NDUFAF6: variants seen among roughly 807,000 people sequenced by gnomAD.
The protein encoded by NDUFAF6 is NADH dehydrogenase (ubiquinone) complex I, assembly factor 6.
A neutral mutation model predicts 40.8 loss-of-function variants in NDUFAF6; 45 were observed. That is an observed-to-expected ratio of 1.10 (90% CI 0.87 to 1.42). The LOEUF is 1.42. NDUFAF6 is among the 40% of genes most tolerant of loss of function. The pLI, the probability that NDUFAF6 is intolerant of heterozygous loss-of-function variation, is 0.00. For missense variants in NDUFAF6, 435 were observed against 418.5 expected (o/e 1.04, Z -0.34); for synonymous variants, 185 against 155.9 (o/e 1.19, Z -1.39).
At chr8:95,112,412 G>A (rs1563874158) in intron 4 of NDUFAF6, among the ~76,000 whole-genome samples, 1 of 152,168 alleles carries the variant, frequency 6.6e-6, no homozygotes. Flanking sequence ...ACACACGGGG[G>A]AGACTGGAGC....
At chr8:94,979,995 G>A (rs955719409) in intron 1 of NDUFAF6, among the ~76,000 whole-genome samples, 1 of 152,022 alleles carries the variant, frequency 6.6e-6, no homozygotes, top group African/African-American at 2.4e-5. Flanking sequence ...TACTCGGGAG[G>A]CTGAAGTAGG....
At chr8:95,007,109 C>T (rs530201444) in intron 2 of NDUFAF6, among the ~76,000 whole-genome samples, 5 of 151,076 alleles carry the variant, frequency 3.3e-5, no homozygotes, top group Middle Eastern at 3.4e-3. Flanking sequence ...TATACAAAAA[C>T]GCTCCTGCTA....
At chr8:95,025,281 C>T (rs1361864331) in intron 1 of NDUFAF6, 76 bp downstream of exon 1, 3 of 1,293,052 alleles carry the variant, frequency 2.3e-6, no homozygotes, top group South Asian at 2.0e-5. Context: ...TCGCGTCTGG[C>T]CTGACGTTTG....
chr8:94,985,515 ATTTTTTTTTTTTTTTTTTTTT>A (rs1200345448), intron 2 of NDUFAF6, among the ~76,000 whole-genome samples: 2 of 6,600 alleles, frequency 3.0e-4, no homozygotes, highest in Non-Finnish European at 4.4e-4. Flanking sequence ...ATATATATAT[ATTTTTTTTTTTTTTTTTTTTT>A]TTTTTTTTTT....
intron 2 of NDUFAF6, among the ~76,000 whole-genome samples, chr8:94,948,806 C>T (rs985325953): frequency 1.3e-5 from 2 of 152,036 alleles, no homozygotes; most frequent in Admixed American, 6.5e-5. Flanking sequence ...GGTCCCGCCG[C>T]GGCCAAGAAA....
intron 1 of NDUFAF6, among the ~76,000 whole-genome samples, chr8:94,904,531 A>C (rs910854909): frequency 4.0e-5 from 6 of 151,478 alleles, no homozygotes; most frequent in African/African-American, 1.5e-4. Flanking sequence ...CAGAGACTCT[A>C]ACTTTATGCA....
intron 2 of NDUFAF6, among the ~76,000 whole-genome samples, chr8:94,993,113 A>T (rs527277619): frequency 2.6e-5 from 4 of 152,152 alleles, no homozygotes; most frequent in Non-Finnish European, 4.4e-5. Context: ...CTCTTTTCTG[A>T]GGGTTAGAGA....
chr8:94,959,532 TTTTTTTG>T (rs1172865716), intron 1 of NDUFAF6, among the ~76,000 whole-genome samples: 6 of 85,856 alleles, frequency 7.0e-5, no homozygotes, highest in Non-Finnish European at 1.7e-4. Context: ...TGCTTTTTGT[TTTTTTTG>T]TTTTTTTTTT....
At chr8:95,027,046 AAAAC>A (rs1190568692) in intron 1 of NDUFAF6, among the ~76,000 whole-genome samples, 35 of 152,194 alleles carry the variant, frequency 2.3e-4, no homozygotes, top group African/African-American at 8.0e-4. Flanking sequence ...ACCCTGTTTC[AAAAC>A]AAACAAACAA....
intron 1 of NDUFAF6, among the ~76,000 whole-genome samples, chr8:94,972,128 A>C (rs1053797181): frequency 6.6e-6 from 1 of 152,262 alleles, no homozygotes; most frequent in African/African-American, 2.4e-5. Flanking sequence ...AGTGTCAGAG[A>C]GAAAGCTCTC....
At chr8:94,972,571 A>C (rs1484705620) in intron 1 of NDUFAF6, among the ~76,000 whole-genome samples, 1 of 152,156 alleles carries the variant, frequency 6.6e-6, no homozygotes, top group East Asian at 1.9e-4. Flanking sequence ...TCAAAGACCA[A>C]CCTAAAGGAA....
chr8:94,975,828 C>G (rs1427741536), intron 1 of NDUFAF6: 1 of 152,148 alleles, frequency 6.6e-6, no homozygotes, highest in East Asian at 1.9e-4. Flanking sequence ...CACCCATTCT[C>G]ATTTTGTGGA....
intron 1 of NDUFAF6, among the ~76,000 whole-genome samples, chr8:95,027,686 T>G (rs1273041983): frequency 6.6e-6 from 1 of 151,642 alleles, no homozygotes; most frequent in Non-Finnish European, 1.5e-5. Context: ...TAGTAAAAAA[T>G]GCTTAGCAGA....
At chr8:94,936,921 A>G (rs1821034973) in intron 1 of NDUFAF6, among the ~76,000 whole-genome samples, 1 of 152,168 alleles carries the variant, frequency 6.6e-6, no homozygotes, top group South Asian at 2.1e-4. Context: ...CAGCCAGCAA[A>G]AGAGACAGAC....
chr8:94,928,552 A>T (rs922697148), intron 1 of NDUFAF6: 1 of 152,556 alleles, frequency 6.6e-6, no homozygotes, highest in African/African-American at 2.4e-5. Flanking sequence ...AACTTTACAG[A>T]CTTGGCCCCT....
intron 3 of NDUFAF6, among the ~76,000 whole-genome samples, chr8:95,037,612 A>G (rs1244593740): frequency 1.3e-5 from 2 of 152,198 alleles, no homozygotes; most frequent in African/African-American, 2.4e-5. Context: ...TTTAACTTCT[A>G]TTAGATTCCT....
At chr8:95,109,457 C>G (rs1286966383) in intron 4 of NDUFAF6, among the ~76,000 whole-genome samples, 2 of 152,158 alleles carry the variant, frequency 1.3e-5, no homozygotes, top group Non-Finnish European at 2.9e-5. Flanking sequence ...GGCTGTTTAT[C>G]CATTGGAAGA....
rs140235628 is a variant in NDUFAF6, at chr8:95,058,215, G to A, written c.*278G>A. 5.0e-5 allele frequency: 69 copies of A among 1,389,294 alleles called. 1 individual carries two copies. In the African/African-American group the frequency reaches 8.9e-4, roughly 18 times the overall value. 86.1% of individuals were successfully genotyped at this position (1,389,294 alleles called of 1,614,324 possible). ...CAACAGGGAATATTGGTGTAGCTGT[G>A]CATAGGCCATAAGCCACACTTGAGC... On this transcript the variant is annotated 3_prime_UTR_variant, in exon 9 of 9. Coordinates refer to ENST00000396124, the MANE Select transcript of NDUFAF6 (RefSeq NM_152416.4).
At chr8:94,913,435 T>G (rs1818918151) in intron 1 of NDUFAF6, among the ~76,000 whole-genome samples, 1 of 152,224 alleles carries the variant, frequency 6.6e-6, no homozygotes, top group Non-Finnish European at 1.5e-5. Flanking sequence ...ATCTAGTGAT[T>G]ATTGTTCCAC....
Sources: allele counts gnomAD v4.1 joint callset (sites outside exome capture counted in the v4.1 genomes callset), GRCh38; gene constraint gnomAD v4.1.1; transcripts MANE v1.5; gene names NCBI Gene and HGNC (gene_info 2026-07-23, HGNC 2026-07-21).